Variants in DOCK7 observed in about 807,000 individuals in gnomAD.
The protein encoded by DOCK7 is dedicator of cytokinesis protein 7.
DOCK7 carries 138 observed loss-of-function variants against 271.0 expected under a neutral mutation model. That is an observed-to-expected ratio of 0.51 (90% CI 0.44 to 0.59). The LOEUF (loss-of-function observed/expected upper bound fraction) is 0.59, where lower values mean the gene tolerates loss of function less well. Among genes scored for constraint, DOCK7 ranks in the 20% least tolerant of loss-of-function variants. DOCK7 has a pLI of 0.00. For synonymous variants in DOCK7, 823 were observed against 876.1 expected (o/e 0.94, Z 1.07); for missense variants, 2,066 against 2,592.4 (o/e 0.80, Z 4.41).
At chr1:62,665,063 C>T (rs1021025727) in intron 1 of DOCK7, among the ~76,000 whole-genome samples, 3 of 152,144 alleles carry the variant, frequency 2.0e-5, no homozygotes, top group Admixed American at 1.3e-4. Flanking sequence ...CTCGGCTCAC[C>T]AAAACCTCCG....
intron 41 of DOCK7, among the ~76,000 whole-genome samples, chr1:62,490,031 G>A (rs1007001000): frequency 2.8e-5 from 4 of 141,644 alleles, no homozygotes; most frequent in Non-Finnish European, 6.2e-5. Flanking sequence ...GAGACAAGAT[G>A]TCTTTGTATT....
intron 11 of DOCK7, among the ~76,000 whole-genome samples, chr1:62,627,104 C>T (rs113443398): frequency 6.6e-6 from 1 of 152,052 alleles, no homozygotes. Flanking sequence ...CCACATCATT[C>T]GATGCAACAC....
In DOCK7 at chr1:62,598,676, AACCT is replaced by A. The variant is rs558543283; in HGVS notation, c.1683-12056_1683-12053del. 3.2e-4 allele frequency: 453 copies of A among 1,416,674 alleles called. 1 individual carries two copies. In the African/African-American group the frequency reaches 6.0e-3, roughly 19 times the overall value. 87.8% of individuals were successfully genotyped at this position (1,416,674 alleles called of 1,614,324 possible). On this transcript the variant is annotated intron_variant, in intron 14 of 49. Transcript: ENST00000635253. Reference sequence around the variant, plus strand: ...AGAAAGAGGAAAGCAACTTATAACCAACCTACTCTCTATATCCAGACTTTTGTAG... The same window carrying A: ...AGAAAGAGGAAAGCAACTTATAACCAACTCTCTATATCCAGACTTTTGTAG...
At chr1:62,491,558 T>A (rs1340187900) in intron 41 of DOCK7, among the ~76,000 whole-genome samples, 1 of 152,230 alleles carries the variant, frequency 6.6e-6, no homozygotes, top group Non-Finnish European at 1.5e-5. Context: ...GACAGCATAG[T>A]CAGGTAAAGG....
At chr1:62,555,770 T>A in intron 21 of DOCK7, 55 bp downstream of exon 21, 1 of 1,553,044 alleles carries the variant, frequency 6.4e-7, no homozygotes. Flanking sequence ...ATCTCAATAC[T>A]GACATGAACA....
chr1:62,675,242 C>T (rs1011632900), intron 1 of DOCK7, among the ~76,000 whole-genome samples: 1 of 151,912 alleles, frequency 6.6e-6, no homozygotes, highest in Non-Finnish European at 1.5e-5. Context: ...TAGAGTCTGT[C>T]TCTACAAAAA....
In DOCK7 at chr1:62,590,814, G is replaced by A. The variant is rs1648326152; in HGVS notation, c.1683-4190C>T. 3.3e-5 allele frequency among the ~76,000 whole-genome samples: 5 copies of A among 152,094 alleles called. 1 individual carries two copies. In the East Asian group the frequency reaches 5.8e-4, roughly 18 times the overall value. On this transcript the variant is annotated intron_variant, in intron 14 of 49. Coordinates refer to ENST00000635253, the MANE Select transcript of DOCK7 (RefSeq NM_001367561.1). ...GATACCATCTCACACCAGTCAGAAT[G>A]GCTATTATCAAAAAGTAAAAAAGGA...
At chr1:62,479,658 T>C (rs959605360) in intron 43 of DOCK7, 6 of 307,928 alleles carry the variant, frequency 1.9e-5, no homozygotes, top group African/African-American at 1.1e-4. Flanking sequence ...ACATATACAT[T>C]CCTACTTTTT....
intron 48 of DOCK7, among the ~76,000 whole-genome samples, chr1:62,463,860 GA>G (rs1355582394): frequency 1.3e-5 from 2 of 152,158 alleles, no homozygotes; most frequent in Non-Finnish European, 2.9e-5. Context: ...ATAGGGAGGG[GA>G]TCTCAAAGTC....
intron 1 of DOCK7, among the ~76,000 whole-genome samples, chr1:62,666,393 A>C (rs1375507904): frequency 6.6e-6 from 1 of 152,196 alleles, no homozygotes; most frequent in Non-Finnish European, 1.5e-5. Context: ...TATTGCAAAT[A>C]TCTTTCTACA....
chr1:62,554,437 A>C (rs1646066965), intron 21 of DOCK7, among the ~76,000 whole-genome samples: 1 of 125,490 alleles, frequency 8.0e-6, no homozygotes, highest in South Asian at 2.7e-4. Flanking sequence ...GCGCCATTGC[A>C]CTCCAGCCTG....
intron 7 of DOCK7, among the ~76,000 whole-genome samples, chr1:62,645,069 G>A (rs1383208259): frequency 6.6e-6 from 1 of 152,108 alleles, no homozygotes; most frequent in Non-Finnish European, 1.5e-5. Context: ...GTGAAAACGT[G>A]GAGAAATTAG....
chr1:62,675,710 G>A (rs562492678), intron 1 of DOCK7, among the ~76,000 whole-genome samples: 1 of 151,742 alleles, frequency 6.6e-6, no homozygotes, highest in African/African-American at 2.4e-5. Flanking sequence ...GTGTGAACCC[G>A]GGAAGTGGAG....
chr1:62,663,313 T>G (rs1233172842), intron 1 of DOCK7, among the ~76,000 whole-genome samples, 183 bp from the exon 2 acceptor site: 1 of 152,150 alleles, frequency 6.6e-6, no homozygotes, highest in Non-Finnish European at 1.5e-5. Context: ...ATAATTACAT[T>G]ACAACGTCTT....
chr1:62,622,300 C>T (rs1333123986), intron 12 of DOCK7, among the ~76,000 whole-genome samples: 2 of 152,074 alleles, frequency 1.3e-5, no homozygotes, highest in Non-Finnish European at 2.9e-5. Context: ...ATACCCTTTC[C>T]TCTACATTGG....
chr1:62,558,563 C>G (rs530773074), intron 20 of DOCK7, among the ~76,000 whole-genome samples: 2 of 152,092 alleles, frequency 1.3e-5, no homozygotes, highest in East Asian at 3.9e-4. Context: ...GAAAGAAGAG[C>G]TACATTAAGC....
intron 2 of DOCK7, among the ~76,000 whole-genome samples, chr1:62,660,964 T>C (rs1658590731): frequency 6.6e-6 from 1 of 152,044 alleles, no homozygotes; most frequent in Non-Finnish European, 1.5e-5. Context: ...CCAGGCATGA[T>C]GGCATGCGCA....
chr1:62,646,172 A>AC (rs1285823297), intron 7 of DOCK7, among the ~76,000 whole-genome samples: 2 of 151,882 alleles, frequency 1.3e-5, no homozygotes, highest in Non-Finnish European at 1.5e-5. Flanking sequence ...AAAAAAACAA[A>AC]AAAAAAACCC....
At chr1:62,573,163 G>A (rs1267269297) in intron 18 of DOCK7, among the ~76,000 whole-genome samples, 1 of 152,134 alleles carries the variant, frequency 6.6e-6, no homozygotes, top group Non-Finnish European at 1.5e-5. Flanking sequence ...ATGCTGCTGT[G>A]TCTACAATTT....
Sources: allele counts gnomAD v4.1 joint callset (sites outside exome capture counted in the v4.1 genomes callset), GRCh38; gene constraint gnomAD v4.1.1; transcripts MANE v1.5; gene names NCBI Gene and HGNC (gene_info 2026-07-23, HGNC 2026-07-21).